Variants in GDAP1 observed in about 807,000 individuals in gnomAD.
GDAP1 encodes ganglioside induced differentiation associated protein 1.
A neutral mutation model predicts 40.1 loss-of-function variants in GDAP1; 34 were observed. The observed-to-expected ratio is 0.85, with a 90% confidence interval of 0.64 to 1.13. The LOEUF (loss-of-function observed/expected upper bound fraction) is 1.13, where lower values mean the gene tolerates loss of function less well. GDAP1 is among the 50% of genes most tolerant of loss of function. The pLI is 0.00. For synonymous variants in GDAP1, 170 were observed against 157.4 expected (o/e 1.08, Z -0.60); for missense variants, 374 against 433.7 (o/e 0.86, Z 1.22).
intron 2 of GDAP1, among the ~76,000 whole-genome samples, chr8:74,467,269 G>T (rs890729281): frequency 6.6e-6 from 1 of 152,156 alleles, no homozygotes; most frequent in African/African-American, 2.4e-5. Flanking sequence ...TCATTGGCGA[G>T]CATCATTGCT....
intron 2 of GDAP1, among the ~76,000 whole-genome samples, chr8:74,475,567 T>G (rs1008962612): frequency 3.9e-5 from 6 of 152,232 alleles, no homozygotes; most frequent in African/African-American, 1.4e-4. Flanking sequence ...GAACAGGTTT[T>G]TAAATTTCCA....
chr8:74,366,597 A>G lies in GDAP1; in HGVS notation c.*2230A>G, dbSNP rs750231639. The G allele has an allele frequency of 1.5e-5, 7 of 453,650 alleles. No homozygotes were observed. The highest frequency in any genetic ancestry group is 3.1e-5 in the Non-Finnish European group (7 of 226,636). 28.1% of individuals were successfully genotyped at this position (453,650 alleles called of 1,614,324 possible). Reference sequence around the variant, plus strand: ...GTACTCATCAATTTCCAAAATTTGTATAAATATCACAATTAGAAAAATGCC... The same window carrying G: ...GTACTCATCAATTTCCAAAATTTGTGTAAATATCACAATTAGAAAAATGCC... On this transcript the variant is annotated 3_prime_UTR_variant, in exon 6 of 6. Transcript: ENST00000220822.
intron 2 of GDAP1, among the ~76,000 whole-genome samples, chr8:74,437,618 A>C (rs1014866258): frequency 6.6e-6 from 1 of 152,122 alleles, no homozygotes; most frequent in Non-Finnish European, 1.5e-5. Context: ...TTTCATTCAT[A>C]TATCTATAAA....
Position 74,413,087 on chromosome 8 carries a change from AAG to A in GDAP1, c.165+61768_165+61769del, listed in dbSNP as rs1491575272. On this transcript the variant is annotated intron_variant, in intron 2 of 2. Transcript: ENST00000523640. ...TCTCAAAAAAAAAAAAAAAAAAAAA[AAG>A]ATTTCTGAAGCCTCTGTATACATTA... 4.1e-5 allele frequency among the ~76,000 whole-genome samples: 6 copies of A among 147,686 alleles called. No homozygotes were observed. In the East Asian group the frequency reaches 9.7e-4, roughly 24 times the overall value.
At position 74,405,859 on chromosome 8, in the gene GDAP1, G is replaced by A. The variant is rs867151389; in HGVS notation, c.165+54538G>A. 6.0e-5 allele frequency among the ~76,000 whole-genome samples: 9 copies of A among 149,798 alleles called. No individual in the cohort carries two copies. The Middle Eastern group carries it at 0.024, about 396-fold the overall frequency. ...AGTAGAATTTCAATATTTCAGCATT[G>A]GAGGCCAGTCATTAATATGACATCG... On this transcript the variant is annotated intron_variant, in intron 2 of 2. Coordinates refer to the GDAP1 transcript ENST00000523640.
At chr8:74,416,073 G>C (rs1415353324) in intron 2 of GDAP1, among the ~76,000 whole-genome samples, 1 of 149,768 alleles carries the variant, frequency 6.7e-6, no homozygotes, top group Non-Finnish European at 1.5e-5. Flanking sequence ...CTAACTAGCT[G>C]CTGCTAGCGG....
At chr8:74,469,668 C>CA (rs753792948) in intron 2 of GDAP1, among the ~76,000 whole-genome samples, 2,463 of 105,108 alleles carry the variant, frequency 0.023, 31 homozygotes, top group Non-Finnish European at 0.033. Flanking sequence ...GACTCCGTCT[C>CA]AAAAAAAAAA....
chr8:74,404,457 A>G (rs748001331), intron 2 of GDAP1, among the ~76,000 whole-genome samples: 1 of 149,402 alleles, frequency 6.7e-6, no homozygotes, highest in Non-Finnish European at 1.5e-5. Context: ...TGTATATTAT[A>G]TAAATATATT....
rs71269993 is a variant in GDAP1, at chr8:74,417,757, CAAA to C, written c.165+66456_165+66458del. Among the ~76,000 whole-genome samples the C allele has an allele frequency of 7.0e-3, 528 of 75,798 alleles. 1 individual carries two copies. The highest frequency in any genetic ancestry group is 9.0e-3 in the South Asian group (22 of 2,454). The allele number at this position is 75,798 out of a possible 152,430, so 49.7% of individuals were successfully genotyped here. A position where few individuals can be genotyped will look rare whatever the true frequency, so the allele number is the denominator to read the frequency against. ...GAGCAACAAGAGTGAAACTCCATCT[CAAA>C]AAAAAAAAAAAAAAAAAAAGGAAAA... On this transcript the variant is annotated intron_variant, in intron 2 of 2. Coordinates refer to the GDAP1 transcript ENST00000523640.
intron 2 of GDAP1, among the ~76,000 whole-genome samples, chr8:74,426,111 A>T (rs1805944601): frequency 6.6e-6 from 1 of 152,226 alleles, no homozygotes; most frequent in Non-Finnish European, 1.5e-5. Context: ...CACACACATA[A>T]CTTAGTTTAC....
intron 2 of GDAP1, among the ~76,000 whole-genome samples, chr8:74,411,608 G>A (rs1242110887): frequency 6.7e-6 from 1 of 148,780 alleles, no homozygotes; most frequent in African/African-American, 2.6e-5. Context: ...ATGGCTGGAT[G>A]CAGTGGCTCA....
chr8:74,363,548 T>C (rs186003303), intron 5 of GDAP1, among the ~76,000 whole-genome samples: 1 of 152,242 alleles, frequency 6.6e-6, no homozygotes, highest in Non-Finnish European at 1.5e-5. Flanking sequence ...ATGTTACCTG[T>C]CACAAAAGCT....
intron 2 of GDAP1, among the ~76,000 whole-genome samples, chr8:74,372,535 T>A (rs1411868468): frequency 6.6e-6 from 1 of 152,274 alleles, no homozygotes; most frequent in African/African-American, 2.4e-5. Flanking sequence ...ATGAGCATTT[T>A]TTCATGTATC....
At chr8:74,422,326 TTTC>T (rs1563465332) in intron 2 of GDAP1, among the ~76,000 whole-genome samples, 26 of 57,860 alleles carry the variant, frequency 4.5e-4, no homozygotes, top group African/African-American at 2.5e-3. Context: ...TCTTTCTTTC[TTTC>T]TTTCTTTCTT....
In GDAP1 at chr8:74,364,153, C is replaced by T. The variant is rs759557518; in HGVS notation, c.863C>T (p.Thr288Ile). Residue 288 changes from threonine to isoleucine, a missense_variant, in exon 6 of 6, where the codon ACA becomes ATA. Physicochemically the swap from Thr to Ile is moderately conservative, Grantham distance 89. Transcript: ENST00000220822. ...TACGAGCGTGTCTTGAAGAGAAAAA[C>T]ATTTAACAAGGTTTTAGGACATGTC... The part of the protein sequence containing the change: ...TYYERVLKRK[T>I]FNKVLGHVNN... 1.9e-6 allele frequency: 3 copies of T among 1,614,044 alleles called. No individual in the cohort carries two copies. The highest frequency in any genetic ancestry group is 2.5e-6 in the Non-Finnish European group (3 of 1,179,994).
chr8:74,455,387 C>T (rs907218725), intron 2 of GDAP1, among the ~76,000 whole-genome samples: 6 of 151,628 alleles, frequency 4.0e-5, no homozygotes, highest in Non-Finnish European at 7.4e-5. Context: ...TTAGGTGTAA[C>T]CAAGAAAGAA....
At chr8:74,461,417 T>C (rs1806399265) in intron 2 of GDAP1, among the ~76,000 whole-genome samples, 2 of 152,348 alleles carry the variant, frequency 1.3e-5, no homozygotes, top group South Asian at 4.1e-4. Context: ...AAGACTGCAT[T>C]GTAAATAGAT....
At position 74,360,011 on chromosome 8, in the gene GDAP1, A is replaced by G. The variant is rs11987378; in HGVS notation, c.311-126A>G. ...GAATGAATGTCTGAGGTGAGGAGACAGTGTTTTTTGAATATACAGATATGT... is the reference window on the plus strand; with the variant it reads ...GAATGAATGTCTGAGGTGAGGAGACGGTGTTTTTTGAATATACAGATATGT... On this transcript the variant is annotated intron_variant, in intron 2 of 5. Coordinates refer to ENST00000220822, the MANE Select transcript of GDAP1 (RefSeq NM_018972.4). 5,288 of 732,330 alleles carry G rather than the reference A, an allele frequency of 7.2e-3. 191 individuals are homozygous for G. The African/African-American group carries it at 0.079, about 11-fold the overall frequency. 45.4% of individuals were successfully genotyped at this position (732,330 alleles called of 1,614,324 possible).
chr8:74,390,453 C>A (rs910484174), intron 2 of GDAP1, among the ~76,000 whole-genome samples: 2 of 152,158 alleles, frequency 1.3e-5, no homozygotes, highest in African/African-American at 2.4e-5. Flanking sequence ...TGCAGGTCTG[C>A]TGGAGTTTGC....
Sources: allele counts gnomAD v4.1 joint callset (sites outside exome capture counted in the v4.1 genomes callset), GRCh38; gene constraint gnomAD v4.1.1; transcripts MANE v1.5; gene names NCBI Gene and HGNC (gene_info 2026-07-23, HGNC 2026-07-21).